The following CCDC33 variants were observed in gnomAD, a reference collection of about 807,000 sequenced individuals.
CCDC33 encodes the protein coiled-coil domain-containing protein 33.
Under a neutral mutation model 91.9 loss-of-function variants are expected in CCDC33, and 94 were observed. That is an observed-to-expected ratio of 1.02 (90% CI 0.87 to 1.21). CCDC33 has a LOEUF of 1.21. Ranked by LOEUF, CCDC33 falls within the 50% of genes most tolerant of loss-of-function variation. The pLI is 0.00. For synonymous variants in CCDC33, 396 were observed against 374.5 expected (o/e 1.06, Z -0.66); for missense variants, 940 against 935.5 (o/e 1.00, Z -0.06).
intron 3 of CCDC33, among the ~76,000 whole-genome samples, chr15:74,264,300 T>C (rs893864210): frequency 9.2e-5 from 14 of 152,180 alleles, no homozygotes; most frequent in African/African-American, 3.4e-4. Context: ...AGACCCTGTG[T>C]CAGGGCCAAA....
rs1486787439 is a variant in CCDC33, at chr15:74,277,962, A to G, written c.760-2001A>G. Among the ~76,000 whole-genome samples, 7 of 152,334 alleles carry G rather than the reference A, an allele frequency of 4.6e-5. No individual in the cohort carries two copies. In the South Asian group the frequency reaches 6.2e-4, roughly 14 times the overall value. Reference sequence around the variant, plus strand: ...CAATGCCTGGCAGACAGTCCCAGCCATGTGGACCCTCCTGCACCCAGGAGA... The same window carrying G: ...CAATGCCTGGCAGACAGTCCCAGCCGTGTGGACCCTCCTGCACCCAGGAGA... On this transcript the variant is annotated intron_variant, in intron 7 of 18. Coordinates refer to ENST00000398814, the MANE Select transcript of CCDC33 (RefSeq NM_025055.5).
At chr15:74,268,296 A>G in intron 4 of CCDC33, 46 bp from the exon 5 acceptor site, 1 of 1,391,770 alleles carries the variant, frequency 7.2e-7, no homozygotes, top group Non-Finnish European at 1.0e-6. Context: ...TCTGCCCCTT[A>G]GACACTCTCC....
intron 3 of CCDC33, among the ~76,000 whole-genome samples, chr15:74,263,717 G>A (rs1037222842): frequency 2.0e-5 from 3 of 152,204 alleles, no homozygotes; most frequent in African/African-American, 4.8e-5. Flanking sequence ...TGGTTCATGC[G>A]CATGTGTGAA....
In CCDC33 at chr15:74,335,033, A is replaced by G. The variant is rs925118660; in HGVS notation, c.2084A>G (p.Gln695Arg). 4 of 1,614,144 alleles carry G rather than the reference A, an allele frequency of 2.5e-6. No homozygotes were observed. Among genetic ancestry groups the G allele is most frequent in the Admixed American group, 1.7e-5 (1 of 60,018 alleles). ...REKQDLATRL[Q>R]EQEKGFRHPS... ...AAGCAGGATCTGGCCACACGGCTGC[A>G]GGAGCAAGAAAAAGGTTTCAGGCAC... is the stretch of plus-strand genomic sequence containing the variant. The change falls in exon 18 of 19, where the codon CAG (glutamine) becomes CGG (arginine). Residue 695 changes from glutamine to arginine, a missense_variant. Physicochemically the swap from Gln to Arg is conservative, Grantham distance 43 (BLOSUM62 1). Transcript: ENST00000398814.
chr15:74,330,559 C>A, intron 12 of CCDC33, 104 bp from the exon 13 acceptor site: 1 of 1,154,822 alleles, frequency 8.7e-7, no homozygotes, highest in Non-Finnish European at 1.3e-6. Context: ...CAGTCCCGTC[C>A]CAAGCCCTCG....
intron 2 of CCDC33, among the ~76,000 whole-genome samples, chr15:74,228,282 C>T (rs1428599664): frequency 6.6e-6 from 1 of 152,188 alleles, no homozygotes; most frequent in Non-Finnish European, 1.5e-5. Context: ...TCCTTCTCTG[C>T]CCCCTCCAGC....
intron 16 of CCDC33, 130 bp from the exon 17 acceptor site, chr15:74,333,751 C>T (rs2060492711): frequency 1.3e-5 from 9 of 669,608 alleles, no homozygotes; most frequent in East Asian, 5.5e-5. Flanking sequence ...CCAGGTCTGA[C>T]GCTCTGCCTC....
rs369692013 is a variant in CCDC33, at chr15:74,330,194, G to A, written c.1296G>A (p.Met432Ile). Residue 432 changes from methionine to isoleucine, a missense_variant, in exon 12 of 19, where the codon ATG becomes ATA. Met to Ile is a conservative substitution (Grantham distance 10). Transcript: ENST00000398814. Reference protein sequence around the residue: ...LVPEMSHDTEMNNYRRAMQKM... With the variant: ...LVPEMSHDTEINNYRRAMQKM... The stretch of plus-strand genomic sequence containing the variant: ...CTGGGCTCTGGGATCCACAGGAGAT[G>A]AACAACTACCGGCGGGCCATGCAGA... 1.3e-5 allele frequency: 21 copies of A among 1,604,394 alleles called. No individual in the cohort carries two copies. Among genetic ancestry groups the A allele is most frequent in the Middle Eastern group, 1.7e-4 (1 of 5,954 alleles).
chr15:74,301,633 G>GAGAGAGAGC (rs1279520535), intron 11 of CCDC33: 1 of 152,338 alleles, frequency 6.6e-6, no homozygotes, highest in African/African-American at 2.4e-5. Flanking sequence ...CTTAGTGAAT[G>GAGAGAGAGC]AGAGAGAGCT....
intron 1 of CCDC33, among the ~76,000 whole-genome samples, chr15:74,206,181 C>T (rs1192336492): frequency 1.3e-5 from 2 of 152,218 alleles, no homozygotes; most frequent in African/African-American, 2.4e-5. Context: ...GTGGTTGTGA[C>T]TTCCTAGGTG....
chr15:74,221,289 G>A, intron 2 of CCDC33: 2 of 982,238 alleles, frequency 2.0e-6, no homozygotes, highest in African/African-American at 1.8e-5. Flanking sequence ...GCAGGGGCAG[G>A]AGAGCAGGAT....
intron 13 of CCDC33, 111 bp from the exon 14 acceptor site, chr15:74,330,870 G>C (rs1234994186): frequency 2.6e-6 from 4 of 1,515,292 alleles, no homozygotes; most frequent in African/African-American, 2.7e-5. Context: ...ACGGAAGAAA[G>C]GGGGACCAGC....
At chr15:74,311,594 G>C (rs1025770322) in intron 11 of CCDC33, 1 of 152,254 alleles carries the variant, frequency 6.6e-6, no homozygotes. Context: ...CAGAAAGAGT[G>C]TGTGGGAAAG....
intron 15 of CCDC33, among the ~76,000 whole-genome samples, chr15:74,332,106 A>C (rs1185295075): frequency 2.0e-5 from 3 of 152,168 alleles, no homozygotes; most frequent in Non-Finnish European, 4.4e-5. Flanking sequence ...AAAACTGCCA[A>C]TCAGCCTCTG....
chr15:74,278,242 A>G (rs979391374), intron 7 of CCDC33, among the ~76,000 whole-genome samples: 28 of 152,362 alleles, frequency 1.8e-4, no homozygotes, highest in Non-Finnish European at 2.8e-4. Flanking sequence ...AACCAGGCCC[A>G]TTAGTGTGAC....
chr15:74,220,574 A>G (rs552704044), intron 2 of CCDC33, among the ~76,000 whole-genome samples: 1 of 152,308 alleles, frequency 6.6e-6, no homozygotes, highest in Admixed American at 6.5e-5. Flanking sequence ...GATGCTCTTC[A>G]GGCTGCAGTT....
chr15:74,242,028 G>A (rs577253984), intron 1 of CCDC33, among the ~76,000 whole-genome samples: 61 of 152,312 alleles, frequency 4.0e-4, no homozygotes, highest in Non-Finnish European at 6.3e-4. Flanking sequence ...GTGTGGCTCC[G>A]ATTGGTGGGC....
chr15:74,245,761 G>T (rs891396424), intron 2 of CCDC33, among the ~76,000 whole-genome samples: 29 of 141,946 alleles, frequency 2.0e-4, no homozygotes, highest in African/African-American at 7.3e-4. Flanking sequence ...GGAGGGTGGG[G>T]ACAGAGAACG....
At chr15:74,264,274 AG>A (rs1251788027) in intron 3 of CCDC33, among the ~76,000 whole-genome samples, 8 of 152,158 alleles carry the variant, frequency 5.3e-5, no homozygotes, top group Non-Finnish European at 1.2e-4. Flanking sequence ...GTTAATGAAA[AG>A]CAAAGGGGAG....
Sources: gnomAD v4.1 joint callset for allele counts (sites outside exome capture counted in the v4.1 genomes callset) on GRCh38, gnomAD v4.1.1 for gene constraint, MANE v1.5 for transcripts, NCBI Gene and HGNC (gene_info 2026-07-23, HGNC 2026-07-21) for gene names.